The following SMYD2 variants were observed in gnomAD, a reference collection of about 807,000 sequenced individuals.
SMYD2 encodes N-lysine methyltransferase SMYD2.
In SMYD2, 53 loss-of-function variants were observed where a neutral mutation model predicts 59.1. That is an observed-to-expected ratio of 0.90 (90% CI 0.72 to 1.13). SMYD2 has a LOEUF of 1.13. Ranked by LOEUF, SMYD2 falls within the 50% of genes most tolerant of loss-of-function variation. The pLI is 0.00. For missense variants in SMYD2, 494 were observed against 544.7 expected (o/e 0.91, Z 0.93); for synonymous variants, 208 against 198.8 (o/e 1.05, Z -0.39).
chr1:214,327,654 A>C lies in SMYD2; in HGVS notation c.635A>C (p.Asn212Thr), dbSNP rs755437613. 1.1e-5 allele frequency: 17 copies of C among 1,614,080 alleles called. No individual in the cohort carries two copies. The highest frequency in any genetic ancestry group is 1.2e-5 in the Non-Finnish European group (14 of 1,180,036). ...TTGATGAATCATAGCTGTTGCCCCAATGTCATTGTGACCTACAAAGGGACC... is the reference window on the plus strand; with the variant it reads ...TTGATGAATCATAGCTGTTGCCCCACTGTCATTGTGACCTACAAAGGGACC... ...VALMNHSCCP[N>T]VIVTYKGTLA... The change falls in exon 7 of 12, where the codon AAT (asparagine) becomes ACT (threonine). Residue 212 changes from asparagine to threonine, a missense_variant. Physicochemically the swap from Asn to Thr is moderately conservative, Grantham distance 65. Transcript: ENST00000366957.
At chr1:214,283,893 CT>C (rs1227216194) in intron 1 of SMYD2, among the ~76,000 whole-genome samples, 5 of 152,072 alleles carry the variant, frequency 3.3e-5, no homozygotes, top group Non-Finnish European at 5.9e-5. Flanking sequence ...CAGGATCTAA[CT>C]TTTTTTGAAG....
At chr1:214,294,433 C>G (rs1296263520) in intron 1 of SMYD2, among the ~76,000 whole-genome samples, 1 of 152,182 alleles carries the variant, frequency 6.6e-6, no homozygotes, top group East Asian at 1.9e-4. Flanking sequence ...TTTGGGAGGC[C>G]AAGACGGGCG....
chr1:214,289,747 C>T (rs1656607628), intron 1 of SMYD2, among the ~76,000 whole-genome samples: 1 of 152,218 alleles, frequency 6.6e-6, no homozygotes, highest in African/African-American at 2.4e-5. Flanking sequence ...GATCCTCCTG[C>T]TCACTCAGCG....
intron 1 of SMYD2, among the ~76,000 whole-genome samples, chr1:214,294,736 G>T (rs990305308): frequency 4.6e-5 from 7 of 152,152 alleles, no homozygotes; most frequent in African/African-American, 1.7e-4. Flanking sequence ...GTCTGGACAG[G>T]TAGTTAACAC....
intron 1 of SMYD2, among the ~76,000 whole-genome samples, chr1:214,304,201 C>G (rs913811640): frequency 1.3e-5 from 2 of 151,920 alleles, no homozygotes; most frequent in Non-Finnish European, 2.9e-5. Flanking sequence ...AGAAGAATAG[C>G]TAAATAGTAC....
Position 214,330,854 on chromosome 1 carries a change from G to A in SMYD2, c.817-96G>A, listed in dbSNP as rs141307943. The A allele has an allele frequency of 3.3e-3, 5,202 of 1,568,756 alleles. 45 individuals are homozygous for A. The highest frequency in any genetic ancestry group is 0.025 in the Middle Eastern group (107 of 4,296). ...TGTAACCTTGGAATGGGCCAGTGTCGACCGCTGTGTGGGAATGTGTATTAT... is the reference window on the plus strand; with the variant it reads ...TGTAACCTTGGAATGGGCCAGTGTCAACCGCTGTGTGGGAATGTGTATTAT... On this transcript the variant is annotated intron_variant, in intron 8 of 11. Transcript: ENST00000366957.
intron 1 of SMYD2, among the ~76,000 whole-genome samples, chr1:214,302,430 G>GCCTCACA (rs1488836621): frequency 1.3e-5 from 2 of 151,654 alleles, no homozygotes; most frequent in Non-Finnish European, 2.9e-5. Flanking sequence ...TACGCCTTAC[G>GCCTCACA]CCTCACACCT....
At position 214,325,343 on chromosome 1, in the gene SMYD2, GGAGT is replaced by G. The variant is rs372478342; in HGVS notation, c.602+640_602+643del. On this transcript the variant is annotated intron_variant, in intron 6 of 11. Transcript: ENST00000366957. Reference sequence around the variant, plus strand: ...ATGATTTTGCCTTTGTCTGTCTCATGGAGTGAGTATTTCCAAAATGCTTCAGTCC... The same window carrying G: ...ATGATTTTGCCTTTGTCTGTCTCATGGAGTATTTCCAAAATGCTTCAGTCC... 1.4e-4 allele frequency among the ~76,000 whole-genome samples: 22 copies of G among 152,318 alleles called. No individual in the cohort carries two copies. The East Asian group carries it at 3.9e-3, about 27-fold the overall frequency.
chr1:214,307,992 G>A (rs1301484815), intron 2 of SMYD2, among the ~76,000 whole-genome samples: 1 of 152,244 alleles, frequency 6.6e-6, no homozygotes, highest in African/African-American at 2.4e-5. Context: ...GGAGGAAACA[G>A]TTACGGGATT....
chr1:214,291,676 A>C (rs1277449712), intron 1 of SMYD2, among the ~76,000 whole-genome samples: 1 of 152,158 alleles, frequency 6.6e-6, no homozygotes. Flanking sequence ...GGTGTTGGCC[A>C]CGACCCTTAT....
intron 1 of SMYD2, among the ~76,000 whole-genome samples, chr1:214,295,788 C>T (rs1201143616): frequency 1.3e-5 from 2 of 152,190 alleles, no homozygotes; most frequent in Non-Finnish European, 2.9e-5. Context: ...GAGTATTATC[C>T]TTGTCCCCTG....
intron 1 of SMYD2, among the ~76,000 whole-genome samples, chr1:214,288,936 G>GCC (rs1656592858): frequency 2.5e-5 from 1 of 39,944 alleles, no homozygotes; most frequent in South Asian, 1.1e-3. Flanking sequence ...TCAGCCCATA[G>GCC]TCTTTTTTTT....
chr1:214,287,293 A>G (rs1656563647), intron 1 of SMYD2, among the ~76,000 whole-genome samples: 1 of 151,964 alleles, frequency 6.6e-6, no homozygotes, highest in South Asian at 2.1e-4. Flanking sequence ...GTCACCATTA[A>G]GCTGGCCTAT....
In SMYD2 at chr1:214,330,983, G is replaced by C; in HGVS notation, c.850G>C (p.Asp284His). The stretch of plus-strand genomic sequence containing the variant: ...CAAGGTGGAAATCCGGAAGCTCAGC[G>C]ATCCCCCAAAGGCAGAAGCCATCCG... Reference protein sequence around the residue: ...KAKVEIRKLSDPPKAEAIRDM... With the variant: ...KAKVEIRKLSHPPKAEAIRDM... Residue 284 changes from aspartate to histidine, a missense_variant, in exon 9 of 12, where the codon GAT becomes CAT. Transcript: ENST00000366957. 1 of 1,614,188 alleles carries C rather than the reference G, an allele frequency of 6.2e-7. No individual in the cohort carries two copies. The highest frequency in any genetic ancestry group is 8.5e-7 in the Non-Finnish European group (1 of 1,180,032).
At chr1:214,294,956 G>A (rs1242672615) in intron 1 of SMYD2, among the ~76,000 whole-genome samples, 2 of 152,154 alleles carry the variant, frequency 1.3e-5, no homozygotes, top group Non-Finnish European at 2.9e-5. Flanking sequence ...TGAGTTTTAT[G>A]CAACAGCAAG....
At chr1:214,336,339 T>C (rs1401028723) in intron 11 of SMYD2, among the ~76,000 whole-genome samples, 1 of 152,150 alleles carries the variant, frequency 6.6e-6, no homozygotes. Flanking sequence ...GAGACCATCC[T>C]GGCTAACACA....
intron 1 of SMYD2, among the ~76,000 whole-genome samples, chr1:214,296,376 C>A (rs770616940): frequency 7.9e-5 from 12 of 152,164 alleles, no homozygotes; most frequent in Non-Finnish European, 1.5e-4. Context: ...TGTAACATTT[C>A]TTTTCTTCCT....
At chr1:214,335,830 C>T (rs1325999718) in intron 11 of SMYD2, among the ~76,000 whole-genome samples, 1 of 152,126 alleles carries the variant, frequency 6.6e-6, no homozygotes, top group Non-Finnish European at 1.5e-5. Flanking sequence ...TGTTACATTG[C>T]CTCACTATAA....
chr1:214,297,010 A>G (rs980858741), intron 1 of SMYD2, among the ~76,000 whole-genome samples: 10 of 152,254 alleles, frequency 6.6e-5, no homozygotes, highest in Admixed American at 2.6e-4. Flanking sequence ...TTCATTCTTA[A>G]GAATCTCAGA....
Sources: gnomAD v4.1 joint callset for allele counts (sites outside exome capture counted in the v4.1 genomes callset) on GRCh38, gnomAD v4.1.1 for gene constraint, MANE v1.5 for transcripts, NCBI Gene and HGNC (gene_info 2026-07-23, HGNC 2026-07-21) for gene names.